C10orf67: variants seen among roughly 807,000 people sequenced by gnomAD.
The protein encoded by C10orf67 is chromosome 10 open reading frame 67, also known as uncharacterized protein C10orf67, mitochondrial.
Under a neutral mutation model 35.6 loss-of-function variants are expected in C10orf67, and 60 were observed. That is an observed-to-expected ratio of 1.68 (90% CI 1.37 to 2.09). The LOEUF is 2.09. Among genes scored for constraint, C10orf67 ranks in the 30% most tolerant of loss-of-function variants. The pLI, the probability that C10orf67 is intolerant of heterozygous loss-of-function variation, is 0.00. For missense variants in C10orf67, 474 were observed against 330.2 expected, an observed-to-expected ratio of 1.44 and a Z score of -3.38; for synonymous variants, 167 against 115.8, an observed-to-expected ratio of 1.44 and a Z score of -2.84.
At chr10:23,244,602 C>G (rs746856310) in intron 12 of C10orf67, among the ~76,000 whole-genome samples, 1 of 151,972 alleles carries the variant, frequency 6.6e-6, no homozygotes, top group Non-Finnish European at 1.5e-5. Context: ...CCATTTATAA[C>G]AGTGTCAAAA....
chr10:23,236,350 T>C (rs1026515985), intron 13 of C10orf67, among the ~76,000 whole-genome samples: 4 of 149,588 alleles, frequency 2.7e-5, no homozygotes, highest in African/African-American at 9.9e-5. Context: ...GAGAATTGCT[T>C]GAACCTGGGA....
At chr10:23,313,414 C>T (rs1219481781) in intron 4 of C10orf67, among the ~76,000 whole-genome samples, 1 of 152,180 alleles carries the variant, frequency 6.6e-6, no homozygotes, top group Non-Finnish European at 1.5e-5. Flanking sequence ...ATTTCCAGTA[C>T]CATGGTGTAG....
intron 4 of C10orf67, among the ~76,000 whole-genome samples, chr10:23,314,535 T>C (rs916366899): frequency 4.1e-5 from 6 of 145,198 alleles, no homozygotes; most frequent in Admixed American, 2.7e-4. Context: ...CACAAACTTA[T>C]TATCTCACAG....
intron 12 of C10orf67, among the ~76,000 whole-genome samples, chr10:23,248,584 A>G (rs1219737080): frequency 3.3e-5 from 5 of 152,232 alleles, no homozygotes; most frequent in Non-Finnish European, 7.3e-5. Context: ...CTAAACAAAA[A>G]TGAGTGCATC....
At chr10:23,238,661 A>G (rs1223444747) in intron 13 of C10orf67, among the ~76,000 whole-genome samples, 3 of 152,240 alleles carry the variant, frequency 2.0e-5, no homozygotes, top group South Asian at 2.1e-4. Context: ...TTTGAGTGAC[A>G]CCATATTCTC....
rs1004930082 is a variant in C10orf67 at position 23,223,483 on chromosome 10, G to C, written c.1570+115C>G. ...TAATTTTATAAAGTGGCTGAAAAAA[G>C]TCATGCATTCACCCAGAATACCAAA... On this transcript the variant is annotated intron_variant, in intron 15 of 15. Coordinates refer to ENST00000636213, the MANE Select transcript of C10orf67 (RefSeq NM_001371909.1). 8.9e-6 allele frequency: 6 copies of C among 670,738 alleles called. No homozygotes were observed. The African/African-American group carries it at 1.1e-4, about 12-fold the overall frequency. The allele number at this position is 670,738 out of a possible 1,614,324, so 41.5% of individuals were successfully genotyped here.
rs1424829538 is a variant in C10orf67 at position 23,329,813 on chromosome 10, A to AAAAG, written c.327+3245_327+3248dup. Among the ~76,000 whole-genome samples, 8 of 146,666 alleles carry AAAAG rather than the reference A, an allele frequency of 5.5e-5. No individual in the cohort carries two copies. The East Asian group carries it at 1.4e-3, about 25-fold the overall frequency. ...AACTTGTCTCAAAAAAAAAAAAAAA[A>AAAAG]AAAGAAAAGAAAAGAAAAAAATTAT... On this transcript the variant is annotated intron_variant, in intron 2 of 15. Coordinates refer to ENST00000636213, the MANE Select transcript of C10orf67 (RefSeq NM_001371909.1).
At chr10:23,215,297 CTT>C (rs1054869688) in intron 15 of C10orf67, among the ~76,000 whole-genome samples, 8 of 143,618 alleles carry the variant, frequency 5.6e-5, no homozygotes, top group African/African-American at 2.5e-5. Context: ...GAAGAGATAT[CTT>C]TTTTTTTTTT....
intron 8 of C10orf67, among the ~76,000 whole-genome samples, chr10:23,268,155 T>C (rs937571016): frequency 6.6e-6 from 1 of 151,868 alleles, no homozygotes; most frequent in Non-Finnish European, 1.5e-5. Context: ...ATTACCCAGG[T>C]GTGGTGGTGT....
chr10:23,248,824 G>T (rs960209649), intron 12 of C10orf67, among the ~76,000 whole-genome samples: 5 of 152,104 alleles, frequency 3.3e-5, no homozygotes, highest in African/African-American at 1.2e-4. Context: ...TAGAAAGTGT[G>T]TAGTAATAAA....
intron 15 of C10orf67, among the ~76,000 whole-genome samples, chr10:23,209,662 T>C (rs1365099510): frequency 6.6e-6 from 1 of 152,082 alleles, no homozygotes; most frequent in African/African-American, 2.4e-5. Context: ...CTTAAGTATA[T>C]ATAATTTTTA....
At chr10:23,332,834 A>G (rs1845537800) in intron 2 of C10orf67, among the ~76,000 whole-genome samples, 2 of 152,226 alleles carry the variant, frequency 1.3e-5, no homozygotes, top group African/African-American at 4.8e-5. Flanking sequence ...AAGAATTTCC[A>G]ACAGAGTAAC....
intron 1 of C10orf67, chr10:23,344,334 G>C: frequency 3.5e-6 from 2 of 572,442 alleles, no homozygotes; most frequent in South Asian, 2.0e-5. Flanking sequence ...GGGAGCACGC[G>C]CGGGAGGAGG....
intron 15 of C10orf67, among the ~76,000 whole-genome samples, chr10:23,220,157 C>A (rs1367346029): frequency 6.6e-6 from 1 of 151,602 alleles, no homozygotes; most frequent in African/African-American, 2.4e-5. Context: ...GGATGACAGA[C>A]AAATACCCCA....
chr10:23,299,831 A>G (rs1484277626), intron 5 of C10orf67, among the ~76,000 whole-genome samples: 1 of 152,112 alleles, frequency 6.6e-6, no homozygotes, highest in African/African-American at 2.4e-5. Flanking sequence ...ACAAAAAATT[A>G]GCCGGGTGTG....
At chr10:23,226,589 C>G (rs1272004249) in intron 13 of C10orf67, among the ~76,000 whole-genome samples, 1 of 152,024 alleles carries the variant, frequency 6.6e-6, no homozygotes, top group Non-Finnish European at 1.5e-5. Flanking sequence ...TAACTAAGAT[C>G]AGAGCAGAAC....
Position 23,341,938 on chromosome 10 carries a change from G to A in C10orf67, c.206+2631C>T, listed in dbSNP as rs147667921. 8.5e-3 allele frequency among the ~76,000 whole-genome samples: 1,297 copies of A among 152,260 alleles called. 13 individuals carry two copies. The highest frequency in any genetic ancestry group is 0.013 in the Non-Finnish European group (851 of 68,032). On this transcript the variant is annotated intron_variant, in intron 1 of 15. Transcript: ENST00000636213. ...TGTAATCCCAGTACTTTGGGAGGCC[G>A]AGGCTGGAGGACTGCTTGAGCCCAG...
chr10:23,329,863 G>A (rs1845377098), intron 2 of C10orf67, among the ~76,000 whole-genome samples: 1 of 148,316 alleles, frequency 6.7e-6, no homozygotes, highest in South Asian at 2.2e-4. Context: ...TAAAACAGAG[G>A]AAAATAAATC....
intron 5 of C10orf67, among the ~76,000 whole-genome samples, chr10:23,297,206 C>T (rs1709071496): frequency 6.8e-6 from 1 of 146,194 alleles, no homozygotes; most frequent in Non-Finnish European, 1.5e-5. Flanking sequence ...GCTTCAATAT[C>T]TTCTTGGTGG....
Sources: allele counts gnomAD v4.1 joint callset (sites outside exome capture counted in the v4.1 genomes callset), GRCh38; gene constraint gnomAD v4.1.1; transcripts MANE v1.5; gene names NCBI Gene and HGNC (gene_info 2026-07-23, HGNC 2026-07-21).